STRN: variants seen among roughly 807,000 people sequenced by gnomAD.
The protein encoded by STRN is striatin, also known as protein phosphatase 2 regulatory subunit B'''alpha.
STRN carries 53 observed loss-of-function variants against 96.3 expected under a neutral mutation model. That is an observed-to-expected ratio of 0.55 (90% CI 0.44 to 0.69). STRN has a LOEUF of 0.69. Among genes scored for constraint, STRN ranks in the 30% least tolerant of loss-of-function variants. The probability of loss-of-function intolerance (pLI) is 0.00; values close to 1 mark genes in which losing one functional copy is unlikely to be tolerated. For missense variants in STRN, 987 were observed against 963.9 expected (o/e 1.02, Z -0.32); for synonymous variants, 428 against 355.9 (o/e 1.20, Z -2.28).
intron 8 of STRN, among the ~76,000 whole-genome samples, chr2:36,886,314 T>G (rs3821146): frequency 6.6e-6 from 1 of 152,206 alleles, no homozygotes; most frequent in African/African-American, 2.4e-5. Flanking sequence ...CACCAATGTC[T>G]AAAATTATAA....
At chr2:36,939,997 T>C (rs557212046) in intron 1 of STRN, among the ~76,000 whole-genome samples, 4 of 152,344 alleles carry the variant, frequency 2.6e-5, no homozygotes, top group Admixed American at 6.5e-5. Flanking sequence ...ACCAAAACTT[T>C]GTTTAAGCAT....
At position 36,841,433 on chromosome 2, in the gene STRN, GAT is replaced by G. The variant is rs1667948620; in HGVS notation, c.*8021_*8022del. The stretch of plus-strand genomic sequence containing the variant: ...TATTATTCACAAACAACTGTCAAAA[GAT>G]ATGAGACCACCGAGTTTTTCTTTTT... On this transcript the variant is annotated 3_prime_UTR_variant, in exon 18 of 18. Transcript: ENST00000263918. 1 of 151,910 alleles carries G rather than the reference GAT, an allele frequency of 6.6e-6. No individual in the cohort carries two copies. The highest frequency in any genetic ancestry group is 6.6e-5 in the Admixed American group (1 of 15,242). The allele number at this position is 151,910 out of a possible 1,614,324, so 9.4% of individuals were successfully genotyped here.
rs1033009509 is a variant in STRN at position 36,845,467 on chromosome 2, T to C, written c.*3989A>G. ...ATATGAGAGATGCTTTTTAAATATT[T>C]TAAGACTATTCTTAGGTGGAATTTT... On this transcript the variant is annotated 3_prime_UTR_variant, in exon 18 of 18. Transcript: ENST00000263918. 2 of 152,148 alleles carry C rather than the reference T, an allele frequency of 1.3e-5. No individual in the cohort carries two copies. The highest frequency in any genetic ancestry group is 2.9e-5 in the Non-Finnish European group (2 of 67,994). The allele number at this position is 152,148 out of a possible 1,614,324, so 9.4% of individuals were successfully genotyped here.
At chr2:36,893,413 A>C (rs375868436) in intron 7 of STRN, among the ~76,000 whole-genome samples, 5 of 143,676 alleles carry the variant, frequency 3.5e-5, no homozygotes, top group African/African-American at 1.0e-4. Flanking sequence ...AACTCTTATT[A>C]GGTGTTTAAA....
intron 10 of STRN, among the ~76,000 whole-genome samples, chr2:36,875,338 C>T (rs1247181476): frequency 6.6e-6 from 1 of 151,592 alleles, no homozygotes; most frequent in Non-Finnish European, 1.5e-5. Flanking sequence ...AGCAAGATCC[C>T]GTCTATACAA....
Position 36,844,725 on chromosome 2 carries a change from C to T in STRN, c.*4731G>A, listed in dbSNP as rs1319858531. On this transcript the variant is annotated 3_prime_UTR_variant, in exon 18 of 18. Transcript: ENST00000263918. ...AAAAACTGAAAGGATCTGTTAAATA[C>T]TTTGTCAACCTGGCATCCCTGACAC... The T allele has an allele frequency of 6.6e-6, 1 of 152,010 alleles. No individual in the cohort carries two copies. The highest frequency in any genetic ancestry group is 1.5e-5 in the Non-Finnish European group (1 of 67,982). 9.4% of individuals were successfully genotyped at this position (152,010 alleles called of 1,614,324 possible).
At chr2:36,940,575 C>A (rs1306883420) in intron 1 of STRN, among the ~76,000 whole-genome samples, 3 of 152,032 alleles carry the variant, frequency 2.0e-5, no homozygotes, top group Admixed American at 6.6e-5. Flanking sequence ...CACCTGTAAT[C>A]CCAGCACTTT....
At chr2:36,865,104 C>A (rs1668589120) in intron 12 of STRN, among the ~76,000 whole-genome samples, 1 of 152,206 alleles carries the variant, frequency 6.6e-6, no homozygotes, top group African/African-American at 2.4e-5. Flanking sequence ...GAATCCATCT[C>A]AACCTGGGCT....
intron 10 of STRN, among the ~76,000 whole-genome samples, chr2:36,873,674 G>A (rs1010261803): frequency 1.3e-5 from 2 of 152,290 alleles, no homozygotes; most frequent in Middle Eastern, 3.4e-3. Flanking sequence ...GCCAGGCGCG[G>A]TGGCTCACAC....
intron 2 of STRN, among the ~76,000 whole-genome samples, chr2:36,922,518 C>CA (rs749446955): frequency 0.075 from 6,832 of 90,896 alleles, 214 homozygotes; most frequent in African/African-American, 0.12. Context: ...GACCCTGTCT[C>CA]AAAAAAAAAA....
At chr2:36,873,681 A>T (rs1454083986) in intron 10 of STRN, among the ~76,000 whole-genome samples, 1 of 152,178 alleles carries the variant, frequency 6.6e-6, no homozygotes, top group Non-Finnish European at 1.5e-5. Flanking sequence ...GCGGTGGCTC[A>T]CACCTGTAAT....
intron 12 of STRN, among the ~76,000 whole-genome samples, chr2:36,866,164 T>C (rs900358353): frequency 2.6e-5 from 4 of 152,178 alleles, no homozygotes; most frequent in South Asian, 2.1e-4. Flanking sequence ...AAACTCCACC[T>C]CCCGGGCTCA....
chr2:36,887,311 A>AC (rs1669264435), intron 7 of STRN, among the ~76,000 whole-genome samples: 1 of 150,638 alleles, frequency 6.6e-6, no homozygotes, highest in African/African-American at 2.4e-5. Context: ...ATAAATAAAT[A>AC]AATACAAAAT....
At chr2:36,888,330 G>A (rs1345273918) in intron 7 of STRN, among the ~76,000 whole-genome samples, 1 of 152,030 alleles carries the variant, frequency 6.6e-6, no homozygotes, top group Admixed American at 6.6e-5. Flanking sequence ...ATAAAAGATC[G>A]TGTCACCCTT....
At chr2:36,928,716 G>A (rs1224566681) in intron 1 of STRN, among the ~76,000 whole-genome samples, 1 of 150,800 alleles carries the variant, frequency 6.6e-6, no homozygotes, top group East Asian at 2.0e-4. Flanking sequence ...AGGCCGAGGC[G>A]GGTGGATCAC....
At chr2:36,941,272 G>T (rs1274385870) in intron 1 of STRN, among the ~76,000 whole-genome samples, 1 of 152,160 alleles carries the variant, frequency 6.6e-6, no homozygotes, top group Non-Finnish European at 1.5e-5. Flanking sequence ...ATGCAAATTA[G>T]TTCAATCTCT....
At chr2:36,867,237 G>A (rs1668651265) in intron 12 of STRN, among the ~76,000 whole-genome samples, 1 of 152,052 alleles carries the variant, frequency 6.6e-6, no homozygotes, top group South Asian at 2.1e-4. Flanking sequence ...ACTTTGGGAG[G>A]CTGAGGTGGG....
At chr2:36,934,233 T>C (rs1271409006) in intron 1 of STRN, among the ~76,000 whole-genome samples, 4 of 152,224 alleles carry the variant, frequency 2.6e-5, no homozygotes, top group Non-Finnish European at 5.9e-5. Context: ...AAATGTTCTA[T>C]ATCTCCCCCA....
At chr2:36,919,451 T>C (rs1309419716) in intron 2 of STRN, among the ~76,000 whole-genome samples, 1 of 151,990 alleles carries the variant, frequency 6.6e-6, no homozygotes, top group African/African-American at 2.4e-5. Flanking sequence ...GGAGAGGGCA[T>C]TTCTGTCAGA....
Sources: gnomAD v4.1 joint callset for allele counts (sites outside exome capture counted in the v4.1 genomes callset) on GRCh38, gnomAD v4.1.1 for gene constraint, MANE v1.5 for transcripts, NCBI Gene and HGNC (gene_info 2026-07-23, HGNC 2026-07-21) for gene names.